The following ASRGL1 variants were observed in gnomAD, a reference collection of about 807,000 sequenced individuals.
ASRGL1 encodes asparaginase and isoaspartyl peptidase 1, also known as isoaspartyl peptidase/L-asparaginase.
Under a neutral mutation model 22.4 loss-of-function variants are expected in ASRGL1, and 16 were observed. The ratio of observed to expected loss-of-function variants is 0.71; its 90% CI spans 0.48 to 1.08. ASRGL1 has a LOEUF of 1.08. Ranked by LOEUF, ASRGL1 falls within the 50% of genes least tolerant of loss-of-function variation. The probability of loss-of-function intolerance (pLI) is 0.00; values close to 1 mark genes in which losing one functional copy is unlikely to be tolerated. For synonymous variants in ASRGL1, 165 were observed against 159.3 expected (o/e 1.04, Z -0.27); for missense variants, 412 against 410.1 (o/e 1.00, Z -0.04).
At chr11:62,375,670 C>T (rs965401984) in intron 4 of ASRGL1, among the ~76,000 whole-genome samples, 1 of 151,550 alleles carries the variant, frequency 6.6e-6, no homozygotes, top group Non-Finnish European at 1.5e-5. Flanking sequence ...GGTACCCATA[C>T]ACTATTATTA....
intron 4 of ASRGL1, among the ~76,000 whole-genome samples, chr11:62,388,669 C>CAAAA (rs772803061): frequency 1.1e-4 from 7 of 62,794 alleles, no homozygotes; most frequent in Admixed American, 1.7e-4. Flanking sequence ...GACTTCATCT[C>CAAAA]AAAAAAAAAA....
rs113469799 is a variant in ASRGL1 at position 62,388,955 on chromosome 11, T to C, written c.492-178T>C. On this transcript the variant is annotated intron_variant, in intron 4 of 6. Coordinates refer to ENST00000415229, the MANE Select transcript of ASRGL1 (RefSeq NM_001083926.2). ...TGAGGTGTGGAGGAGTGTCCAGCAA[T>C]CCACCTGTAACTTACACGTAGAATG... is the stretch of plus-strand genomic sequence containing the variant. Among the ~76,000 whole-genome samples the C allele has an allele frequency of 5.1e-3, 779 of 152,212 alleles. 2 individuals carry two copies. The highest frequency in any genetic ancestry group is 0.015 in the African/African-American group (618 of 41,546).
intron 2 of ASRGL1, among the ~76,000 whole-genome samples, chr11:62,353,387 C>G (rs2134597507): frequency 6.6e-6 from 1 of 150,948 alleles, no homozygotes; most frequent in South Asian, 2.1e-4. Flanking sequence ...GTCTGTCACC[C>G]AGGCTGGAGT....
chr11:62,371,525 C>T (rs1163922672), intron 4 of ASRGL1: 1 of 700,798 alleles, frequency 1.4e-6, no homozygotes, highest in African/African-American at 1.8e-5. Context: ...TGGTAAAAGT[C>T]ATCACCATTC....
chr11:62,375,878 G>A (rs542494945), intron 4 of ASRGL1, among the ~76,000 whole-genome samples: 28 of 151,924 alleles, frequency 1.8e-4, no homozygotes, highest in Non-Finnish European at 2.9e-4. Context: ...TTGGGAGGCC[G>A]AGGCGGGTGG....
intron 4 of ASRGL1, chr11:62,372,974 A>T: frequency 6.9e-7 from 1 of 1,456,184 alleles, no homozygotes; most frequent in East Asian, 2.3e-5. Flanking sequence ...GGGGCCCATC[A>T]CCGACCTTTG....
At chr11:62,400,109 C>G in the ASRGL1 span, among the ~76,000 whole-genome samples, 1 of 152,168 alleles carries the variant, frequency 6.6e-6, no homozygotes, top group Non-Finnish European at 1.5e-5. Flanking sequence ...ACCCCTTGGC[C>G]GACTTTCAAG....
chr11:62,393,999 A>T (rs1011297571), downstream of ASRGL1, among the ~76,000 whole-genome samples: 2 of 145,708 alleles, frequency 1.4e-5, no homozygotes, highest in Admixed American at 1.4e-4. Context: ...ACCATATTAG[A>T]TATAATTTAT....
chr11:62,372,787 C>T, intron 4 of ASRGL1: 2 of 1,576,112 alleles, frequency 1.3e-6, no homozygotes, highest in Non-Finnish European at 1.7e-6. Flanking sequence ...GCTGGTTACA[C>T]CTGCTCCTTT....
In ASRGL1 at chr11:62,381,245, G is replaced by A. The variant is rs377702167; in HGVS notation, c.492-7888G>A. On this transcript the variant is annotated intron_variant, in intron 4 of 6. Coordinates refer to ENST00000415229, the MANE Select transcript of ASRGL1 (RefSeq NM_001083926.2). ...CATCTGAACCGCTGGAAGAGGAGTTGGCCATCATGGTTTAGACTCTGATGG... is the reference window on the plus strand; with the variant it reads ...CATCTGAACCGCTGGAAGAGGAGTTAGCCATCATGGTTTAGACTCTGATGG... Among the ~76,000 whole-genome samples, 8 of 152,234 alleles carry A rather than the reference G, an allele frequency of 5.3e-5. No individual in the cohort carries two copies. The South Asian group carries it at 1.0e-3, about 20-fold the overall frequency.
chr11:62,346,511 A>G (rs1018965401), intron 2 of ASRGL1, among the ~76,000 whole-genome samples: 3 of 152,166 alleles, frequency 2.0e-5, no homozygotes, highest in African/African-American at 7.2e-5. Flanking sequence ...TGCCAACATC[A>G]TTTCATGAAG....
chr11:62,383,515 A>G (rs1482315996), intron 4 of ASRGL1, among the ~76,000 whole-genome samples: 8 of 146,096 alleles, frequency 5.5e-5, no homozygotes, highest in Non-Finnish European at 1.2e-4. Flanking sequence ...AGGCAGGAGA[A>G]TGGCGTGAAC....
chr11:62,367,801 G>A (rs553260870), intron 4 of ASRGL1, among the ~76,000 whole-genome samples: 1 of 151,712 alleles, frequency 6.6e-6, no homozygotes, highest in African/African-American at 2.4e-5. Context: ...AACTAGCTGG[G>A]CATGGTGGCA....
At chr11:62,348,364 G>C (rs1946082642) in intron 2 of ASRGL1, among the ~76,000 whole-genome samples, 1 of 152,210 alleles carries the variant, frequency 6.6e-6, no homozygotes, top group Admixed American at 6.5e-5. Flanking sequence ...TAGGGAAAGG[G>C]GTGCGACTGG....
chr11:62,387,588 G>A (rs910223241), intron 4 of ASRGL1, among the ~76,000 whole-genome samples: 43 of 152,144 alleles, frequency 2.8e-4, no homozygotes, highest in Non-Finnish European at 1.5e-5. Flanking sequence ...CATCAGGAAC[G>A]CTCCTCCCCA....
intron 5 of ASRGL1, chr11:62,389,776 C>T (rs180795655): frequency 4.3e-5 from 10 of 232,310 alleles, no homozygotes; most frequent in Non-Finnish European, 8.6e-5. Flanking sequence ...AGAGGCAGGG[C>T]TGGGGGGCTG....
chr11:62,390,610 C>T (rs1181856458), intron 5 of ASRGL1, among the ~76,000 whole-genome samples: 2 of 152,284 alleles, frequency 1.3e-5, no homozygotes, highest in East Asian at 3.9e-4. Context: ...CAGTTAATTC[C>T]CCAGCAGAAG....
chr11:62,356,472 A>G lies in ASRGL1; in HGVS notation c.333+5A>G, dbSNP rs536519740. ...GCTCGGCTTGTCATGGAAAAGGTAT[A>G]TGTGACTAAAGCAGCCTTTTCCTAA... On this transcript the variant is annotated splice_donor_5th_base_variant and intron_variant, in intron 3 of 6. Coordinates refer to ENST00000415229, the MANE Select transcript of ASRGL1 (RefSeq NM_001083926.2). 4.2e-5 allele frequency: 68 copies of G among 1,613,992 alleles called. No homozygotes were observed. In the South Asian group the frequency reaches 6.5e-4, roughly 15 times the overall value.
In ASRGL1 at chr11:62,375,428, TTATATATATATATATATATA is replaced by T. The variant is rs71053051; in HGVS notation, c.492-13671_492-13652del. On this transcript the variant is annotated intron_variant, in intron 4 of 6. Coordinates refer to ENST00000415229, the MANE Select transcript of ASRGL1 (RefSeq NM_001083926.2). ...GGTTTAGTGCTGTAATTGTCTTACT[TTATATATATATATATATATA>T]TATATATATATATATATATATATAT... is the stretch of plus-strand genomic sequence containing the variant. 9.7e-3 allele frequency among the ~76,000 whole-genome samples: 672 copies of T among 69,022 alleles called. 14 individuals are homozygous for T. Among genetic ancestry groups the T allele is most frequent in the Non-Finnish European group, 0.013 (408 of 32,162 alleles). 45.3% of individuals were successfully genotyped at this position (69,022 alleles called of 152,430 possible).
Sources: allele counts gnomAD v4.1 joint callset (sites outside exome capture counted in the v4.1 genomes callset), GRCh38; gene constraint gnomAD v4.1.1; transcripts MANE v1.5; gene names NCBI Gene and HGNC (gene_info 2026-07-23, HGNC 2026-07-21).